TOX2: variants seen among roughly 807,000 people sequenced by gnomAD.
TOX2 encodes TOX high mobility group box family member 2.
A neutral mutation model predicts 47.4 loss-of-function variants in TOX2; 15 were observed. The observed-to-expected ratio is 0.32, with a 90% CI of 0.21 to 0.49. The LOEUF (loss-of-function observed/expected upper bound fraction) is 0.49, where lower values mean the gene tolerates loss of function less well. Ranked by LOEUF, TOX2 falls within the 20% of genes least tolerant of loss-of-function variation. The pLI is 0.99. For synonymous variants in TOX2, 290 were observed against 296.6 expected (o/e 0.98, Z 0.23); for missense variants, 622 against 673.1 (o/e 0.92, Z 0.84).
At position 43,996,924 on chromosome 20, in the gene TOX2, C is replaced by T. The variant is rs1273638239; in HGVS notation, c.166-9623C>T. ...ATGTTTCCATGTATTTCAAATATTC[C>T]TCCCAACAAAGCTGGAAGGTTGTTG... On this transcript the variant is annotated intron_variant, in intron 2 of 8. Coordinates refer to ENST00000341197, the MANE Select transcript of TOX2 (RefSeq NM_001098797.2). 3.3e-5 allele frequency among the ~76,000 whole-genome samples: 5 copies of T among 152,196 alleles called. No homozygotes were observed. The East Asian group carries it at 9.7e-4, about 29-fold the overall frequency.
chr20:44,048,394 ATATATATATATATATATATG>A (rs1387201636), intron 3 of TOX2, among the ~76,000 whole-genome samples: 4 of 126,544 alleles, frequency 3.2e-5, no homozygotes, highest in South Asian at 2.4e-4. Context: ...GAATTTATAT[ATATATATATATATATATATG>A]TATAATTTAC....
intron 2 of TOX2, among the ~76,000 whole-genome samples, chr20:43,974,847 G>A (rs933609270): frequency 2.6e-5 from 4 of 152,222 alleles, no homozygotes; most frequent in African/African-American, 9.6e-5. Context: ...CTGCAGGATC[G>A]CTCATGCCGG....
At chr20:43,944,070 A>AT (rs2069435001) in intron 1 of TOX2, among the ~76,000 whole-genome samples, 1 of 152,014 alleles carries the variant, frequency 6.6e-6, no homozygotes, top group Non-Finnish European at 1.5e-5. Flanking sequence ...TATGTCTGAA[A>AT]TTTTCATCCA....
At chr20:43,996,633 G>A (rs577762037) in intron 2 of TOX2, among the ~76,000 whole-genome samples, 2 of 152,002 alleles carry the variant, frequency 1.3e-5, no homozygotes, top group South Asian at 2.1e-4. Flanking sequence ...CATATCATCC[G>A]AGGGCTTTTT....
chr20:43,972,776 C>T (rs2069998923), intron 1 of TOX2, among the ~76,000 whole-genome samples: 1 of 152,258 alleles, frequency 6.6e-6, no homozygotes, highest in Non-Finnish European at 1.5e-5. Flanking sequence ...CCAGACTTAG[C>T]AGCTTCTCTG....
At chr20:44,048,184 C>T (rs185214025) in intron 3 of TOX2, among the ~76,000 whole-genome samples, 104 of 152,022 alleles carry the variant, frequency 6.8e-4, no homozygotes, top group Non-Finnish European at 1.3e-4. Context: ...GAGATAGCAT[C>T]ACTGCACTCC....
Position 44,068,846 on chromosome 20 carries a change from AC to A in TOX2, c.*162del. 4 of 996,428 alleles carry A rather than the reference AC, an allele frequency of 4.0e-6. No homozygotes were observed. Among genetic ancestry groups the A allele is most frequent in the Non-Finnish European group, 6.2e-6 (4 of 641,738 alleles). 61.7% of individuals were successfully genotyped at this position (996,428 alleles called of 1,614,324 possible). The stretch of plus-strand genomic sequence containing the variant: ...GGCTGAGTCTCTTCCTCAACCTCCC[AC>A]CAGACTCTGCAGAGGCAGCCCACTG... On this transcript the variant is annotated 3_prime_UTR_variant, in exon 9 of 9. Transcript: ENST00000341197.
intron 2 of TOX2, among the ~76,000 whole-genome samples, chr20:43,989,557 G>C (rs1394010805): frequency 6.6e-6 from 1 of 152,050 alleles, no homozygotes; most frequent in Non-Finnish European, 1.5e-5. Context: ...AGACAGGTGG[G>C]TCACTTGAGG....
chr20:44,063,616 A>G (rs1260790635), intron 5 of TOX2, among the ~76,000 whole-genome samples: 1 of 152,206 alleles, frequency 6.6e-6, no homozygotes, highest in Admixed American at 6.5e-5. Flanking sequence ...ATCCACCCAG[A>G]GGAGAAGAAA....
At chr20:44,054,869 C>T (rs2071591136) in intron 5 of TOX2, among the ~76,000 whole-genome samples, 1 of 152,216 alleles carries the variant, frequency 6.6e-6, no homozygotes, top group African/African-American at 2.4e-5. Flanking sequence ...GCTTCCTATC[C>T]CACTGACCAT....
chr20:44,059,596 A>G (rs973865957), intron 5 of TOX2, among the ~76,000 whole-genome samples: 2 of 151,952 alleles, frequency 1.3e-5, no homozygotes, highest in East Asian at 3.9e-4. Flanking sequence ...AAACCCTACA[A>G]GCTAGAAGGG....
chr20:44,042,999 A>G (rs2071357631), intron 3 of TOX2, among the ~76,000 whole-genome samples: 1 of 152,188 alleles, frequency 6.6e-6, no homozygotes, highest in Non-Finnish European at 1.5e-5. Context: ...CAGCAGTGCC[A>G]TTTTACTATT....
Position 44,069,182 on chromosome 20 carries a change from C to G in TOX2, c.*496C>G, listed in dbSNP as rs2071893669. Reference sequence around the variant, plus strand: ...AAGTAGTTGACTACGTGTTTTAGAACTGTGCTGAAGACATCTGTAAGACTA... The same window carrying G: ...AAGTAGTTGACTACGTGTTTTAGAAGTGTGCTGAAGACATCTGTAAGACTA... On this transcript the variant is annotated 3_prime_UTR_variant, in exon 9 of 9. Coordinates refer to ENST00000341197, the MANE Select transcript of TOX2 (RefSeq NM_001098797.2). 3.0e-6 allele frequency: 1 copy of G among 338,190 alleles called. No homozygotes were observed. The highest frequency in any genetic ancestry group is 5.8e-6 in the Non-Finnish European group (1 of 171,298). 20.9% of individuals were successfully genotyped at this position (338,190 alleles called of 1,614,324 possible).
chr20:43,962,447 G>A (rs776275703), intron 1 of TOX2, among the ~76,000 whole-genome samples: 16 of 152,192 alleles, frequency 1.1e-4, no homozygotes, highest in Non-Finnish European at 1.9e-4. Context: ...AGGTCCCCAG[G>A]ATCCCATGGC....
At chr20:43,943,304 C>T (rs2069424216) in intron 1 of TOX2, among the ~76,000 whole-genome samples, 2 of 45,766 alleles carry the variant, frequency 4.4e-5, no homozygotes, top group African/African-American at 7.3e-5. Flanking sequence ...TAAACTCCCT[C>T]TCCTACAGAT....
chr20:43,999,556 C>T (rs1294489835), intron 2 of TOX2, among the ~76,000 whole-genome samples: 23 of 152,130 alleles, frequency 1.5e-4, no homozygotes, highest in Non-Finnish European at 1.6e-4. Flanking sequence ...CTGAAAACTA[C>T]ACAACATTGT....
intron 1 of TOX2, among the ~76,000 whole-genome samples, chr20:43,958,611 T>G (rs2069705493): frequency 6.6e-6 from 1 of 152,246 alleles, no homozygotes; most frequent in Non-Finnish European, 1.5e-5. Flanking sequence ...AGGTCCCTAG[T>G]GCCCCTCTGC....
intron 1 of TOX2, among the ~76,000 whole-genome samples, chr20:43,945,292 G>T (rs1487184411): frequency 6.6e-6 from 1 of 152,120 alleles, no homozygotes; most frequent in Non-Finnish European, 1.5e-5. Context: ...TATAAAAATG[G>T]AACCATGTCC....
At chr20:44,056,335 G>A (rs561986874) in intron 5 of TOX2, among the ~76,000 whole-genome samples, 12 of 152,330 alleles carry the variant, frequency 7.9e-5, no homozygotes, top group Admixed American at 3.3e-4. Flanking sequence ...AGGGCACTGT[G>A]GCTTTTGCTA....
Sources: gnomAD v4.1 joint callset for allele counts (sites outside exome capture counted in the v4.1 genomes callset) on GRCh38, gnomAD v4.1.1 for gene constraint, MANE v1.5 for transcripts, NCBI Gene and HGNC (gene_info 2026-07-23, HGNC 2026-07-21) for gene names.